CHEK1: variants seen among roughly 807,000 people sequenced by gnomAD.
The protein encoded by CHEK1 is checkpoint kinase 1, also known as serine/threonine-protein kinase Chk1.
A neutral mutation model predicts 60.2 loss-of-function variants in CHEK1; 32 were observed. That is an observed-to-expected ratio of 0.53 (90% CI 0.40 to 0.71). CHEK1 has a LOEUF of 0.71. Ranked by LOEUF, CHEK1 falls within the 30% of genes least tolerant of loss-of-function variation. CHEK1 has a pLI of 0.00. For missense variants in CHEK1, 399 were observed against 564.6 expected, an observed-to-expected ratio of 0.71 and a Z score of 2.97; for synonymous variants, 179 against 187.2, an observed-to-expected ratio of 0.96 and a Z score of 0.36.
chr11:125,646,081 T>C (rs1356643354), intron 11 of CHEK1, among the ~76,000 whole-genome samples: 3 of 152,104 alleles, frequency 2.0e-5, no homozygotes, highest in Non-Finnish European at 4.4e-5. Flanking sequence ...TTCCAGAACA[T>C]TGCATCACCA....
chr11:125,663,650 C>A lies in CHEK1; in HGVS notation c.*27+8303C>A, dbSNP rs546860061. On this transcript the variant is annotated intron_variant, in intron 13 of 13. Transcript: ENST00000428830. ...TCTGTTGATAGTTTCTTTTGCCATG[C>A]AGAAGCTCTTTAGTTTAATTAGATA... Among the ~76,000 whole-genome samples the A allele has an allele frequency of 3.9e-5, 6 of 152,196 alleles. No homozygotes were observed. The South Asian group carries it at 1.2e-3, about 32-fold the overall frequency.
intron 8 of CHEK1, among the ~76,000 whole-genome samples, chr11:125,640,312 C>A (rs573429444): frequency 3.1e-4 from 47 of 152,098 alleles, no homozygotes; most frequent in African/African-American, 1.1e-3. Flanking sequence ...GAGGCCAAGG[C>A]GGGCGGATCA....
chr11:125,648,513 C>T (rs1321150607), intron 11 of CHEK1, among the ~76,000 whole-genome samples: 4 of 150,828 alleles, frequency 2.7e-5, no homozygotes, highest in African/African-American at 4.9e-5. Flanking sequence ...ACCTGGGAGG[C>T]GGAGGTTGCA....
chr11:125,627,371 G>C (rs1472292534), intron 2 of CHEK1, among the ~76,000 whole-genome samples: 2 of 152,192 alleles, frequency 1.3e-5, no homozygotes, highest in Non-Finnish European at 2.9e-5. Flanking sequence ...ATTTTATGAA[G>C]CGTTTATTAA....
At chr11:125,654,473 TTA>T (rs1343304232) in intron 12 of CHEK1, among the ~76,000 whole-genome samples, 12 of 152,206 alleles carry the variant, frequency 7.9e-5, no homozygotes, top group African/African-American at 4.8e-5. Flanking sequence ...TTAATAAAAA[TTA>T]TGATTTGTTA....
intron 11 of CHEK1, among the ~76,000 whole-genome samples, chr11:125,649,307 C>A (rs1200993438): frequency 6.6e-6 from 1 of 152,172 alleles, no homozygotes; most frequent in Non-Finnish European, 1.5e-5. Context: ...CTGCCTTGGC[C>A]TCCCAAGTAG....
exon 14 of CHEK1, chr11:125,676,201 C>G (rs1442720241): frequency 1.0e-6 from 1 of 981,396 alleles, no homozygotes; most frequent in African/African-American, 1.6e-5. Context: ...AGCCACCTCG[C>G]CTGGCAAGGG....
rs1035712227 is a variant in CHEK1, at chr11:125,625,352, A to C, written c.-681A>C. On this transcript the variant is annotated 5_prime_UTR_variant, in exon 1 of 13. Coordinates refer to ENST00000438015, the MANE Select transcript of CHEK1 (RefSeq NM_001114122.3). The stretch of plus-strand genomic sequence containing the variant: ...ACATAAACTGCTCGCTTTCTCCGGG[A>C]AACTTGCCCCGCCACACACACTTGA... The C allele has an allele frequency of 8.0e-6, 2 of 249,444 alleles. No individual in the cohort carries two copies. The highest frequency in any genetic ancestry group is 7.8e-6 in the Non-Finnish European group (1 of 128,554). 15.5% of individuals were successfully genotyped at this position (249,444 alleles called of 1,614,324 possible). A position where few individuals can be genotyped will look rare whatever the true frequency, so the allele number is the denominator to read the frequency against.
chr11:125,640,623 G>T (rs1398755625), intron 8 of CHEK1, among the ~76,000 whole-genome samples: 2 of 151,988 alleles, frequency 1.3e-5, no homozygotes, highest in Non-Finnish European at 2.9e-5. Context: ...AGACTGGAGT[G>T]CAGTGGCGTG....
downstream of CHEK1, among the ~76,000 whole-genome samples, chr11:125,659,408 C>T (rs1054812462): frequency 1.3e-5 from 2 of 151,792 alleles, no homozygotes; most frequent in African/African-American, 4.8e-5. Flanking sequence ...TCTGCATATC[C>T]TATAAATACA....
At chr11:125,678,978 T>TTATTTATATATATATATATATATA (rs1555078665), downstream of CHEK1, among the ~76,000 whole-genome samples, 149 of 88,384 alleles carry the variant, frequency 1.7e-3, 3 homozygotes, top group Non-Finnish European at 1.8e-3. Context: ...TCTAGGCATA[T>TTATTTATATATATATATATATATA]TATATATATA....
chr11:125,660,225 A>T (rs1002321326), downstream of CHEK1, among the ~76,000 whole-genome samples: 1 of 152,124 alleles, frequency 6.6e-6, no homozygotes, highest in Non-Finnish European at 1.5e-5. Context: ...TTTGATAGTG[A>T]TAGTTTTTAC....
At chr11:125,654,110 C>A (rs1178674015) in intron 12 of CHEK1, among the ~76,000 whole-genome samples, 3 of 151,992 alleles carry the variant, frequency 2.0e-5, no homozygotes, top group Non-Finnish European at 1.5e-5. Flanking sequence ...ACGGGTGGAT[C>A]TCGAGGTCAG....
At chr11:125,678,029 C>G, downstream of CHEK1, 1 of 1,614,152 alleles carries the variant, frequency 6.2e-7, no homozygotes, top group Non-Finnish European at 8.5e-7. Context: ...CTACAGTATG[C>G]TCACCTTCAG....
intron 11 of CHEK1, among the ~76,000 whole-genome samples, chr11:125,648,249 G>GT (rs777358930): frequency 1.3e-5 from 2 of 151,776 alleles, no homozygotes; most frequent in Non-Finnish European, 2.9e-5. Flanking sequence ...AACTCCAGTA[G>GT]TTTTTTTGAC....
chr11:125,643,654 T>C (rs1941387126), intron 8 of CHEK1, 138 bp from the exon 9 acceptor site: 6 of 625,500 alleles, frequency 9.6e-6, no homozygotes, highest in Admixed American at 3.1e-5. Context: ...GAAGACTTTG[T>C]TTTATATCTT....
intron 11 of CHEK1, chr11:125,649,926 T>C (rs1941646440): frequency 6.6e-6 from 1 of 152,208 alleles, no homozygotes; most frequent in South Asian, 2.1e-4. Context: ...TGGTTTCTGA[T>C]GAGAAATCAG....
At chr11:125,644,309 AT>A in intron 10 of CHEK1, 41 bp downstream of exon 10, 2 of 1,564,156 alleles carry the variant, frequency 1.3e-6, no homozygotes, top group Non-Finnish European at 1.7e-6. Flanking sequence ...GCAGCTCTTT[AT>A]TTTTTATTGT....
intron 8 of CHEK1, among the ~76,000 whole-genome samples, chr11:125,642,549 C>A (rs1475675882): frequency 6.6e-6 from 1 of 151,870 alleles, no homozygotes; most frequent in South Asian, 2.1e-4. Context: ...TAAAAAAAAA[C>A]TTGAGCATGT....
Sources: allele counts gnomAD v4.1 joint callset (sites outside exome capture counted in the v4.1 genomes callset), GRCh38; gene constraint gnomAD v4.1.1; transcripts MANE v1.5; gene names NCBI Gene and HGNC (gene_info 2026-07-23, HGNC 2026-07-21).